ADAM22: variants seen among roughly 807,000 people sequenced by gnomAD.
The protein encoded by ADAM22 is disintegrin and metalloproteinase domain-containing protein 22.
In ADAM22, 65 loss-of-function variants were observed where a neutral mutation model predicts 144.6. The ratio of observed to expected loss-of-function variants is 0.45; its 90% CI spans 0.37 to 0.55. ADAM22 has a LOEUF of 0.55. Ranked by LOEUF, ADAM22 falls within the 20% of genes least tolerant of loss-of-function variation. The pLI, the probability that ADAM22 is intolerant of heterozygous loss-of-function variation, is 0.00. For missense variants in ADAM22, 974 were observed against 1,184.9 expected, an observed-to-expected ratio of 0.82 and a Z score of 2.61; for synonymous variants, 391 against 412.6, an observed-to-expected ratio of 0.95 and a Z score of 0.63.
At chr7:87,988,592 TAAG>T (rs1274748601) in intron 3 of ADAM22, among the ~76,000 whole-genome samples, 2 of 152,240 alleles carry the variant, frequency 1.3e-5, no homozygotes, top group Non-Finnish European at 2.9e-5. Context: ...TATTTTATTT[TAAG>T]AAAATCTTAT....
intron 2 of ADAM22, among the ~76,000 whole-genome samples, chr7:87,938,445 C>T (rs1008516436): frequency 1.3e-5 from 2 of 151,698 alleles, no homozygotes; most frequent in African/African-American, 2.4e-5. Context: ...TCTAGAACTC[C>T]TGACCTCAAG....
chr7:87,943,404 A>T (rs1289112080), intron 2 of ADAM22, among the ~76,000 whole-genome samples: 2 of 152,002 alleles, frequency 1.3e-5, no homozygotes, highest in African/African-American at 4.8e-5. Flanking sequence ...CTTATTTGAC[A>T]TGTGGTTTCC....
chr7:88,167,432 C>T (rs1440971325), intron 24 of ADAM22, among the ~76,000 whole-genome samples: 1 of 152,174 alleles, frequency 6.6e-6, no homozygotes, highest in Non-Finnish European at 1.5e-5. Context: ...AATGCCATCA[C>T]TGTGTTCTGA....
chr7:88,033,510 G>A lies in ADAM22; in HGVS notation c.324-42116G>A, dbSNP rs376712764. Among the ~76,000 whole-genome samples the A allele has an allele frequency of 4.1e-4, 62 of 152,344 alleles. 1 individual carries two copies. The South Asian group carries it at 0.012, about 31-fold the overall frequency. The stretch of plus-strand genomic sequence containing the variant: ...GTGGTTCAGACCCAGAGCTAACATA[G>A]CACTGCATCTTGCCCAAGGCCAGTG... On this transcript the variant is annotated intron_variant, in intron 3 of 31. Coordinates refer to ENST00000413139, the MANE Select transcript of ADAM22 (RefSeq NM_001324418.2).
At chr7:88,057,296 A>G (rs1161300578) in intron 3 of ADAM22, among the ~76,000 whole-genome samples, 1 of 152,158 alleles carries the variant, frequency 6.6e-6, no homozygotes, top group Non-Finnish European at 1.5e-5. Flanking sequence ...AATAACATCA[A>G]TAGGGTATAT....
intron 25 of ADAM22, 147 bp from the exon 26 acceptor site, chr7:88,171,397 C>T: frequency 1.6e-6 from 1 of 627,496 alleles, no homozygotes; most frequent in Non-Finnish European, 2.7e-6. Flanking sequence ...TGTGTGCATT[C>T]CCATTTTAAT....
chr7:88,051,763 G>A (rs931851090), intron 3 of ADAM22, among the ~76,000 whole-genome samples: 7 of 151,644 alleles, frequency 4.6e-5, no homozygotes, highest in Admixed American at 3.3e-4. Flanking sequence ...TTCTTAACAA[G>A]TTTTATAGAG....
chr7:88,009,444 A>T (rs941240135), intron 3 of ADAM22, among the ~76,000 whole-genome samples: 1 of 152,052 alleles, frequency 6.6e-6, no homozygotes, highest in African/African-American at 2.4e-5. Context: ...ATTTTATTTT[A>T]GTTGTTTAAT....
chr7:88,130,298 G>A (rs1460727841), intron 9 of ADAM22, 90 bp from the exon 10 acceptor site: 21 of 950,294 alleles, frequency 2.2e-5, no homozygotes, highest in Non-Finnish European at 3.2e-5. Flanking sequence ...ACATTTTTAG[G>A]GATCTTTCAA....
chr7:88,169,392 CTGTACCA>C (rs1370741740), intron 25 of ADAM22, among the ~76,000 whole-genome samples: 1 of 152,070 alleles, frequency 6.6e-6, no homozygotes, highest in Non-Finnish European at 1.5e-5. Flanking sequence ...GCATCTAGCC[CTGTACCA>C]TGTAGTCTTC....
chr7:88,043,900 A>G (rs763297026), intron 3 of ADAM22, among the ~76,000 whole-genome samples: 7 of 152,222 alleles, frequency 4.6e-5, no homozygotes, highest in Non-Finnish European at 1.0e-4. Flanking sequence ...TGTGCATGCC[A>G]TTTAAAAATA....
intron 2 of ADAM22, among the ~76,000 whole-genome samples, chr7:87,955,446 G>T (rs1048289608): frequency 1.3e-5 from 2 of 152,294 alleles, no homozygotes; most frequent in South Asian, 4.1e-4. Context: ...CTGCAGAACC[G>T]CAGATTTTTG....
intron 29 of ADAM22, 22 bp from the exon 30 acceptor site, chr7:88,186,593 T>A (rs1438268527): frequency 6.8e-7 from 1 of 1,476,122 alleles, no homozygotes; most frequent in East Asian, 2.3e-5. Context: ...GCTTTCTTTG[T>A]TCCTTCCATT....
intron 3 of ADAM22, among the ~76,000 whole-genome samples, chr7:88,055,889 A>G (rs10487005): frequency 0.032 from 4,867 of 152,190 alleles, 288 homozygotes; most frequent in African/African-American, 0.11. Flanking sequence ...GTGGTAACCA[A>G]GTTTTCTTAT....
rs145464760 is a variant in ADAM22 at position 88,142,584 on chromosome 7, A to G, written c.1221-442A>G. Among the ~76,000 whole-genome samples, 501 of 152,312 alleles carry G rather than the reference A, an allele frequency of 3.3e-3. 2 individuals are homozygous for G. Among genetic ancestry groups the G allele is most frequent in the African/African-American group, 0.012 (486 of 41,564 alleles). On this transcript the variant is annotated intron_variant, in intron 14 of 31. Transcript: ENST00000413139. Reference sequence around the variant, plus strand: ...CCGGGCGTGGTGGCTCACACCTGTAATCCCAGCACTTTGGGAGGCCGAGGC... The same window carrying G: ...CCGGGCGTGGTGGCTCACACCTGTAGTCCCAGCACTTTGGGAGGCCGAGGC...
chr7:88,195,885 T>C (rs948032105), intron 31 of ADAM22, among the ~76,000 whole-genome samples: 1 of 152,096 alleles, frequency 6.6e-6, no homozygotes, highest in Non-Finnish European at 1.5e-5. Flanking sequence ...AAGTGGGTGA[T>C]GGTGGAATTG....
chr7:87,989,680 C>T (rs1166089571), intron 3 of ADAM22, among the ~76,000 whole-genome samples: 2 of 152,230 alleles, frequency 1.3e-5, no homozygotes, highest in African/African-American at 4.8e-5. Flanking sequence ...CTTTGGGAGG[C>T]CAAAGCGGCC....
rs747611216 is a variant in ADAM22 at position 88,132,925 on chromosome 7, T to C, written c.1051T>C (p.Leu351=). ...GAAYIGGICS[L]LKGGGVNEFG... is the part of the protein sequence containing the mutation. ...AGCTTATATTGGTGGGATTTGCTCGTTGCTGAAAGGAGGAGGCGTGAATGA... is the reference window on the plus strand; with the variant it reads ...AGCTTATATTGGTGGGATTTGCTCGCTGCTGAAAGGAGGAGGCGTGAATGA... The change falls in exon 12 of 32, where the codon TTG becomes CTG. Residue 351 remains leucine (L), a synonymous_variant. Coordinates refer to ENST00000413139, the MANE Select transcript of ADAM22 (RefSeq NM_001324418.2). 8 of 1,613,908 alleles carry C rather than the reference T, an allele frequency of 5.0e-6. No homozygotes were observed. In the Admixed American group the frequency reaches 1.3e-4, roughly 27 times the overall value.
At chr7:88,125,696 A>C (rs1228725760) in intron 8 of ADAM22, 37 bp downstream of exon 8, 2 of 1,456,864 alleles carry the variant, frequency 1.4e-6, no homozygotes, top group Non-Finnish European at 1.9e-6. Context: ...TTATTTTAAA[A>C]CAATTGTCAA....
Sources: gnomAD v4.1 joint callset for allele counts (sites outside exome capture counted in the v4.1 genomes callset) on GRCh38, gnomAD v4.1.1 for gene constraint, MANE v1.5 for transcripts, NCBI Gene and HGNC (gene_info 2026-07-23, HGNC 2026-07-21) for gene names.